The following GRM1 variants were observed in gnomAD, a reference collection of about 807,000 sequenced individuals.
The protein encoded by GRM1 is metabotropic glutamate receptor 1.
GRM1 carries 33 observed loss-of-function variants against 90.9 expected under a neutral mutation model. The observed-to-expected ratio is 0.36, with a 90% confidence interval of 0.28 to 0.49. The LOEUF (loss-of-function observed/expected upper bound fraction) is 0.49. Ranked by LOEUF, GRM1 falls within the 20% of genes least tolerant of loss-of-function variation. GRM1 has a pLI of 0.99. For missense variants in GRM1, 1,190 were observed against 1,534.3 expected, an observed-to-expected ratio of 0.78 and a Z score of 3.75; for synonymous variants, 700 against 613.2, an observed-to-expected ratio of 1.14 and a Z score of -2.09.
At chr6:146,195,035 A>G (rs1019029302) in intron 2 of GRM1, among the ~76,000 whole-genome samples, 7 of 152,234 alleles carry the variant, frequency 4.6e-5, no homozygotes, top group Non-Finnish European at 1.0e-4. Flanking sequence ...TAATCACTCC[A>G]TAAATGTTAC....
intron 2 of GRM1, among the ~76,000 whole-genome samples, chr6:146,181,463 AAAG>A (rs1778551409): frequency 6.6e-6 from 1 of 152,214 alleles, no homozygotes; most frequent in African/African-American, 2.4e-5. Flanking sequence ...AACATTTCAA[AAAG>A]AAGATCAAGG....
intron 1 of GRM1, among the ~76,000 whole-genome samples, chr6:146,069,179 A>G (rs1051985810): frequency 6.6e-6 from 1 of 152,094 alleles, no homozygotes; most frequent in African/African-American, 2.4e-5. Flanking sequence ...CCAGCATTCT[A>G]TTGCTTTTTA....
Position 146,158,394 on chromosome 6 carries a change from T to G in GRM1, c.701-954T>G, listed in dbSNP as rs151227315. ...TAGTAGAATATATGAGTTTGTATGA[T>G]AAGATGAGGTAGCAGAGATGGATGT... On this transcript the variant is annotated intron_variant, in intron 1 of 7. Coordinates refer to ENST00000282753, the MANE Select transcript of GRM1 (RefSeq NM_001278064.2). Among the ~76,000 whole-genome samples, 415 of 152,240 alleles carry G rather than the reference T, an allele frequency of 2.7e-3. 3 individuals are homozygous for G. Among genetic ancestry groups the G allele is most frequent in the African/African-American group, 9.2e-3 (382 of 41,550 alleles).
At chr6:146,104,911 G>A (rs947724928) in intron 1 of GRM1, among the ~76,000 whole-genome samples, 3 of 152,172 alleles carry the variant, frequency 2.0e-5, no homozygotes, top group Non-Finnish European at 2.9e-5. Context: ...TGACACAAAC[G>A]TAAAAGAAAG....
intron 2 of GRM1, among the ~76,000 whole-genome samples, chr6:146,224,782 T>G (rs1259952702): frequency 6.6e-6 from 1 of 152,108 alleles, no homozygotes; most frequent in Non-Finnish European, 1.5e-5. Flanking sequence ...GTAACATCTC[T>G]TCAACCAACA....
At chr6:146,294,984 G>GT (rs35338660) in intron 2 of GRM1, among the ~76,000 whole-genome samples, 19,362 of 150,770 alleles carry the variant, frequency 0.13, 1,411 homozygotes, top group South Asian at 0.21. Flanking sequence ...TAGAAAGTCT[G>GT]TTTTTTTTTA....
chr6:146,335,664 C>T (rs1784748212), intron 3 of GRM1, among the ~76,000 whole-genome samples: 1 of 152,160 alleles, frequency 6.6e-6, no homozygotes, highest in South Asian at 2.1e-4. Context: ...TTTCCCAGGG[C>T]CCCCAAAATG....
At chr6:146,369,952 T>C (rs1369377772) in intron 5 of GRM1, among the ~76,000 whole-genome samples, 1 of 152,046 alleles carries the variant, frequency 6.6e-6, no homozygotes. Context: ...CGTATAGCAG[T>C]CTATCTGTCT....
At chr6:146,349,719 G>GA (rs1583366167) in intron 3 of GRM1, among the ~76,000 whole-genome samples, 1 of 151,964 alleles carries the variant, frequency 6.6e-6, no homozygotes, top group East Asian at 1.9e-4. Flanking sequence ...ATACCCCATT[G>GA]AAAAAAGCAG....
intron 2 of GRM1, among the ~76,000 whole-genome samples, chr6:146,263,611 C>T (rs2114798918): frequency 6.6e-6 from 1 of 152,078 alleles, no homozygotes; most frequent in African/African-American, 2.4e-5. Flanking sequence ...CATACATTTG[C>T]TTATTGCTTT....
At position 146,233,007 on chromosome 6, in the gene GRM1, T is replaced by A. The variant is rs190242468; in HGVS notation, c.951-71604T>A. ...TGGTGGTGGTATTCTGTGTCTTTCC[T>A]TTCTTCTTGATCAATGGGGTCACAT... On this transcript the variant is annotated intron_variant, in intron 2 of 7. Transcript: ENST00000282753. Among the ~76,000 whole-genome samples the A allele has an allele frequency of 2.5e-4, 38 of 152,206 alleles. 1 individual carries two copies. In the East Asian group the frequency reaches 6.6e-3, roughly 26 times the overall value.
rs551863525 is a variant in GRM1 at position 146,264,898 on chromosome 6, G to A, written c.951-39713G>A. The stretch of plus-strand genomic sequence containing the variant: ...TTTTTATGGCTGCATAATATTCCAT[G>A]GTATATACATCCCTCATTTTCTTTA... On this transcript the variant is annotated intron_variant, in intron 2 of 7. Coordinates refer to ENST00000282753, the MANE Select transcript of GRM1 (RefSeq NM_001278064.2). Among the ~76,000 whole-genome samples, 10 of 152,126 alleles carry A rather than the reference G, an allele frequency of 6.6e-5. No individual in the cohort carries two copies. In the South Asian group the frequency reaches 2.1e-3, roughly 32 times the overall value.
At chr6:146,044,735 T>A (rs1791259412) in intron 1 of GRM1, among the ~76,000 whole-genome samples, 1 of 151,950 alleles carries the variant, frequency 6.6e-6, no homozygotes. Context: ...TGAAATATCT[T>A]TGATATGCCA....
chr6:146,335,154 G>T (rs1197388791), intron 3 of GRM1, among the ~76,000 whole-genome samples: 1 of 152,154 alleles, frequency 6.6e-6, no homozygotes, highest in South Asian at 2.1e-4. Context: ...AATGAAATCT[G>T]CAGCCTCTTG....
chr6:146,304,666 G>A lies in GRM1; in HGVS notation c.1006G>A (p.Gly336Arg), dbSNP rs1251431306. The stretch of plus-strand genomic sequence containing the variant: ...TGAAGGTTATGAGGTGGAAGCCAAC[G>A]GGGGAATCACGATAAAGCTGCAGTC... ...VIEGYEVEAN[G>R]GITIKLQSPE... Residue 336 changes from glycine to arginine, a missense_variant, in exon 3 of 8, where the codon GGG becomes AGG. Physicochemically the swap from Gly to Arg is moderately radical, Grantham distance 125 (BLOSUM62 -2). Coordinates refer to ENST00000282753, the MANE Select transcript of GRM1 (RefSeq NM_001278064.2). 1.2e-6 allele frequency: 2 copies of A among 1,613,766 alleles called. No individual in the cohort carries two copies. The highest frequency in any genetic ancestry group is 1.7e-5 in the Admixed American group (1 of 59,946).
intron 2 of GRM1, among the ~76,000 whole-genome samples, chr6:146,232,320 A>G (rs1045438548): frequency 2.0e-5 from 3 of 152,010 alleles, no homozygotes; most frequent in Admixed American, 2.0e-4. Context: ...TTGTCTATCC[A>G]CACATCATCA....
At chr6:146,343,841 A>T (rs1173051200) in intron 3 of GRM1, among the ~76,000 whole-genome samples, 1 of 151,972 alleles carries the variant, frequency 6.6e-6, no homozygotes, top group African/African-American at 2.4e-5. Context: ...CTCATCTTGT[A>T]TATTTCCTTC....
chr6:146,427,939 C>T (rs1778272141), intron 7 of GRM1, among the ~76,000 whole-genome samples: 1 of 152,204 alleles, frequency 6.6e-6, no homozygotes, highest in Non-Finnish European at 1.5e-5. Flanking sequence ...CTTGTCCTGA[C>T]AGCAGGGCCA....
At chr6:146,243,389 A>C (rs1780936093) in intron 2 of GRM1, among the ~76,000 whole-genome samples, 1 of 152,092 alleles carries the variant, frequency 6.6e-6, no homozygotes, top group African/African-American at 2.4e-5. Context: ...CAGAGGAGTA[A>C]CAGAATCCTA....
Sources: allele counts gnomAD v4.1 joint callset (sites outside exome capture counted in the v4.1 genomes callset), GRCh38; gene constraint gnomAD v4.1.1; transcripts MANE v1.5; gene names NCBI Gene and HGNC (gene_info 2026-07-23, HGNC 2026-07-21).